Variants in CFAP52 observed in about 807,000 individuals in gnomAD.
The protein encoded by CFAP52 is cilia and flagella associated protein 52, also known as cilia- and flagella-associated protein 52.
A neutral mutation model predicts 70.5 loss-of-function variants in CFAP52; 57 were observed. The observed-to-expected ratio is 0.81, with a 90% CI of 0.65 to 1.01. The LOEUF (loss-of-function observed/expected upper bound fraction) is 1.01, where lower values mean the gene tolerates loss of function less well. Ranked by LOEUF, CFAP52 falls within the 50% of genes least tolerant of loss-of-function variation. The pLI is 0.00. For missense variants in CFAP52, 785 were observed against 788.5 expected, an observed-to-expected ratio of 1.00 and a Z score of 0.05; for synonymous variants, 267 against 292.5, an observed-to-expected ratio of 0.91 and a Z score of 0.89.
At chr17:9,594,088 C>G (rs1417186240) in intron 3 of CFAP52, 105 bp from the exon 4 acceptor site, 2 of 1,431,666 alleles carry the variant, frequency 1.4e-6, no homozygotes, top group South Asian at 1.6e-5. Flanking sequence ...TTTTAAGTAA[C>G]CTGTTGTGTT....
At chr17:9,590,400 T>G (rs1908693487) in intron 3 of CFAP52, 3 of 203,838 alleles carry the variant, frequency 1.5e-5, no homozygotes, top group Admixed American at 4.6e-5. Context: ...TTCACTGGTC[T>G]CATTGGGGTC....
intron 12 of CFAP52, chr17:9,638,994 A>C: frequency 2.7e-6 from 1 of 369,156 alleles, no homozygotes; most frequent in Non-Finnish European, 4.9e-6. Flanking sequence ...GGTACTCAAT[A>C]GATTGGTTTT....
Position 9,638,673 on chromosome 17 carries a change from G to A in CFAP52, c.1537G>A (p.Glu513Lys). 6.2e-7 allele frequency: 1 copy of A among 1,614,170 alleles called. No individual in the cohort carries two copies. The highest frequency in any genetic ancestry group is 8.5e-7 in the Non-Finnish European group (1 of 1,180,032). The part of the protein sequence containing the change: ...TLFQCVCYHP[E>K]EFQIITSGTD... ...ATTCCAGTGTGTGTGCTATCACCCT[G>A]AGGAGTTCCAGATCATCACCAGCGG... The change falls in exon 12 of 14, where the codon GAG (glutamate) becomes AAG (lysine). Residue 513 changes from glutamate to lysine, a missense_variant. By Grantham distance (56) the Glu-to-Lys change is moderately conservative. Coordinates refer to ENST00000352665, the MANE Select transcript of CFAP52 (RefSeq NM_145054.5).
intron 5 of CFAP52, 30 bp from the exon 6 acceptor site, chr17:9,600,037 G>C: frequency 6.2e-7 from 1 of 1,602,678 alleles, no homozygotes; most frequent in Non-Finnish European, 8.5e-7. Context: ...CACCGAGGCT[G>C]GCCAAGATTT....
intron 1 of CFAP52, among the ~76,000 whole-genome samples, chr17:9,579,844 A>G (rs954037945): frequency 6.6e-6 from 1 of 152,266 alleles, no homozygotes; most frequent in African/African-American, 2.4e-5. Context: ...CTGGGATTAC[A>G]GGCGTGAGCC....
intron 6 of CFAP52, among the ~76,000 whole-genome samples, chr17:9,601,904 T>C (rs950121834): frequency 1.3e-5 from 2 of 152,218 alleles, no homozygotes; most frequent in African/African-American, 4.8e-5. Flanking sequence ...CTTTTCCACA[T>C]AGCAGATATT....
intron 12 of CFAP52, among the ~76,000 whole-genome samples, chr17:9,641,281 G>A (rs1005210849): frequency 9.2e-5 from 14 of 152,254 alleles, no homozygotes; most frequent in Admixed American, 6.5e-4. Context: ...GAGGGAGGGC[G>A]CAGTCCCAGT....
intron 8 of CFAP52, among the ~76,000 whole-genome samples, chr17:9,622,124 A>G (rs1247673671): frequency 6.6e-6 from 1 of 152,136 alleles, no homozygotes; most frequent in African/African-American, 2.4e-5. Context: ...TTCCTCCACC[A>G]TGTCCTGTGT....
chr17:9,628,802 G>A lies in CFAP52; in HGVS notation c.1156G>A (p.Gly386Ser), dbSNP rs780939657. ...CCACGGCATCGACTTCATGAGGGACGGCAAAAGCATCATTTCAGGTAACGT... is the reference window on the plus strand; with the variant it reads ...CCACGGCATCGACTTCATGAGGGACAGCAAAAGCATCATTTCAGGTAACGT... ...TCHGIDFMRD[G>S]KSIISAWNDG... is the part of the protein sequence containing the mutation. Residue 386 changes from glycine (G) to serine (S), a missense_variant, in exon 9 of 14, where the codon GGC (glycine) becomes AGC (serine). By Grantham distance (56) the Gly-to-Ser change is moderately conservative. Transcript: ENST00000352665. The A allele has an allele frequency of 1.9e-5, 31 of 1,613,930 alleles. No individual in the cohort carries two copies. In the South Asian group the frequency reaches 2.2e-4, roughly 11 times the overall value.
intron 9 of CFAP52, among the ~76,000 whole-genome samples, chr17:9,629,594 C>T (rs1910378424): frequency 7.0e-6 from 1 of 143,878 alleles, no homozygotes; most frequent in Non-Finnish European, 1.5e-5. Context: ...GTTGCCCAAG[C>T]TGGAGTGCAA....
rs1910731036 is a variant in CFAP52, at chr17:9,635,451, C to T, written c.1367C>T (p.Ala456Val). 1.2e-6 allele frequency: 2 copies of T among 1,613,988 alleles called. No individual in the cohort carries two copies. The highest frequency in any genetic ancestry group is 3.3e-5 in the Admixed American group (2 of 59,994). ...TGTCAGACCCAGAAGCTGGAGGAGG[C>T]CCTGAAGGAACACAAGTCATCAGTG... is the stretch of plus-strand genomic sequence containing the variant. The part of the protein sequence containing the change: ...IGCQTQKLEE[A>V]LKEHKSSVSC... Residue 456 changes from alanine to valine, a missense_variant, in exon 11 of 14, where the codon GCC (alanine) becomes GTC (valine). Physicochemically the swap from Ala to Val is moderately conservative, Grantham distance 64 (BLOSUM62 0). Coordinates refer to ENST00000352665, the MANE Select transcript of CFAP52 (RefSeq NM_145054.5).
rs914126984 is a variant in CFAP52, at chr17:9,625,689, C to A, written c.1026-2983C>A. On this transcript the variant is annotated intron_variant, in intron 8 of 13. Coordinates refer to ENST00000352665, the MANE Select transcript of CFAP52 (RefSeq NM_145054.5). ...AAGCCACATGCTAACAATTCTCAACCCTTTCCAGTTGCACTCTTAGAAGAG... is the reference window on the plus strand; with the variant it reads ...AAGCCACATGCTAACAATTCTCAACACTTTCCAGTTGCACTCTTAGAAGAG... 2.6e-5 allele frequency among the ~76,000 whole-genome samples: 4 copies of A among 152,136 alleles called. No homozygotes were observed. The East Asian group carries it at 7.7e-4, about 29-fold the overall frequency.
intron 12 of CFAP52, 95 bp from the exon 13 acceptor site, chr17:9,641,629 C>T: frequency 1.2e-5 from 10 of 823,592 alleles, no homozygotes; most frequent in Admixed American, 4.5e-5. Context: ...TATTTTTGCT[C>T]CCTTCTATAT....
chr17:9,580,665 G>A (rs1908176607), intron 1 of CFAP52, among the ~76,000 whole-genome samples: 1 of 148,288 alleles, frequency 6.7e-6, no homozygotes, highest in South Asian at 2.2e-4. Flanking sequence ...CTCCTGCCTG[G>A]GCAACAGAGT....
At chr17:9,610,654 G>A (rs1302308973) in intron 7 of CFAP52, among the ~76,000 whole-genome samples, 1 of 151,984 alleles carries the variant, frequency 6.6e-6, no homozygotes, top group East Asian at 1.9e-4. Flanking sequence ...CCTGCCTCAG[G>A]CTCCCGAGTA....
At chr17:9,606,928 T>C (rs772510455) in intron 6 of CFAP52, among the ~76,000 whole-genome samples, 6 of 152,204 alleles carry the variant, frequency 3.9e-5, no homozygotes, top group Non-Finnish European at 5.9e-5. Context: ...AAAATGTCTT[T>C]TGAGCCACAA....
At chr17:9,586,592 A>G (rs1437026822) in intron 2 of CFAP52, 106 bp from the exon 3 acceptor site, 8 of 1,399,322 alleles carry the variant, frequency 5.7e-6, no homozygotes, top group Non-Finnish European at 6.6e-6. Flanking sequence ...AAAAGAAAGA[A>G]AAAAGAAAAG....
intron 13 of CFAP52, 134 bp downstream of exon 13, chr17:9,641,969 C>G (rs1911084956): frequency 1.6e-6 from 1 of 630,684 alleles, no homozygotes; most frequent in Non-Finnish European, 2.7e-6. Flanking sequence ...AGATTCCAAC[C>G]AATACTGCAG....
At chr17:9,585,099 A>G (rs1325274073) in intron 1 of CFAP52, among the ~76,000 whole-genome samples, 1 of 152,194 alleles carries the variant, frequency 6.6e-6, no homozygotes, top group Admixed American at 6.5e-5. Context: ...CACTCACCCA[A>G]GCAGGCTGCT....
Sources: gnomAD v4.1 joint callset for allele counts (sites outside exome capture counted in the v4.1 genomes callset) on GRCh38, gnomAD v4.1.1 for gene constraint, MANE v1.5 for transcripts, NCBI Gene and HGNC (gene_info 2026-07-23, HGNC 2026-07-21) for gene names.